Variants in SIRT5 observed in about 807,000 individuals in gnomAD.
The protein encoded by SIRT5 is sirtuin 5.
A neutral mutation model predicts 40.0 loss-of-function variants in SIRT5; 26 were observed. The observed-to-expected ratio is 0.65, with a 90% CI of 0.48 to 0.90. The LOEUF (loss-of-function observed/expected upper bound fraction) is 0.90, where lower values mean the gene tolerates loss of function less well. Ranked by LOEUF, SIRT5 falls within the 40% of genes least tolerant of loss-of-function variation. The pLI is 0.00. For missense variants in SIRT5, 401 were observed against 402.4 expected, an observed-to-expected ratio of 1.00 and a Z score of 0.03; for synonymous variants, 146 against 149.1, an observed-to-expected ratio of 0.98 and a Z score of 0.15.
chr6:13,591,646 C>T (rs560188394), intron 4 of SIRT5, 23 bp from the exon 5 acceptor site: 2 of 1,504,894 alleles, frequency 1.3e-6, no homozygotes, highest in Non-Finnish European at 1.8e-6. Context: ...CTCCCTCACT[C>T]CTGCCTCCTC....
chr6:13,596,899 T>C (rs1761634985), intron 6 of SIRT5, 64 bp from the exon 7 acceptor site: 17 of 1,312,626 alleles, frequency 1.3e-5, no homozygotes, highest in Middle Eastern at 1.9e-4. Context: ...AACTGAGTTA[T>C]GTTGTTTCTT....
At chr6:13,602,999 C>T (rs534879818) in intron 9 of SIRT5, among the ~76,000 whole-genome samples, 4 of 152,174 alleles carry the variant, frequency 2.6e-5, no homozygotes, top group Admixed American at 6.5e-5. Context: ...ACCCACAGGC[C>T]GGGTGCGGTG....
chr6:13,595,753 G>T (rs1761490600), intron 6 of SIRT5, among the ~76,000 whole-genome samples, 189 bp downstream of exon 6: 1 of 152,118 alleles, frequency 6.6e-6, no homozygotes, highest in Admixed American at 6.5e-5. Flanking sequence ...TGGGGAGACT[G>T]CTTGAGTTCA....
Position 13,600,004 on chromosome 6 carries a change from A to T in SIRT5, c.742-830A>T, listed in dbSNP as rs189559573. On this transcript the variant is annotated intron_variant, in intron 8 of 9. Transcript: ENST00000606117. ...GTATGGTGTTATATATGGATAAGGA[A>T]TGATATATTTAGCTAATTCTCTACT... Among the ~76,000 whole-genome samples the T allele has an allele frequency of 2.6e-5, 4 of 152,368 alleles. No individual in the cohort carries two copies. In the East Asian group the frequency reaches 7.7e-4, roughly 29 times the overall value.
At chr6:13,581,142 A>G (rs1759297373) in intron 2 of SIRT5, among the ~76,000 whole-genome samples, 2 of 152,204 alleles carry the variant, frequency 1.3e-5, no homozygotes, top group African/African-American at 4.8e-5. Flanking sequence ...AGACATTTAC[A>G]TATACAGTAC....
chr6:13,593,101 A>T (rs917585471), intron 5 of SIRT5, among the ~76,000 whole-genome samples: 1 of 151,760 alleles, frequency 6.6e-6, no homozygotes, highest in Non-Finnish European at 1.5e-5. Context: ...TTTTGTGGAG[A>T]GTGTCTCACC....
In SIRT5 at chr6:13,613,555, G is replaced by A. The variant is rs1764112815; in HGVS notation, c.*1690G>A. The stretch of plus-strand genomic sequence containing the variant: ...TGGCTTTTGTAGAAACAGGCAACAA[G>A]ACACTATCATATAAAACTTTGTACT... On this transcript the variant is annotated 3_prime_UTR_variant, in exon 10 of 10. Coordinates refer to ENST00000606117, the MANE Select transcript of SIRT5 (RefSeq NM_012241.5). 1 of 152,222 alleles carries A rather than the reference G, an allele frequency of 6.6e-6. No individual in the cohort carries two copies. Among genetic ancestry groups the A allele is most frequent in the South Asian group, 2.1e-4 (1 of 4,836 alleles). 9.4% of individuals were successfully genotyped at this position (152,222 alleles called of 1,614,324 possible).
At chr6:13,604,512 G>T (rs773787156) in intron 9 of SIRT5, 1 of 1,577,216 alleles carries the variant, frequency 6.3e-7, no homozygotes, top group Admixed American at 1.8e-5. Context: ...TTATTATAAA[G>T]AATTAAAACA....
At chr6:13,595,444 A>G (rs1761442882) in intron 5 of SIRT5, 33 bp from the exon 6 acceptor site, 2 of 1,517,058 alleles carry the variant, frequency 1.3e-6, no homozygotes, top group African/African-American at 1.4e-5. Context: ...TGATTATACT[A>G]AATTCTGGAT....
chr6:13,606,374 A>C (rs1434079742), intron 9 of SIRT5, among the ~76,000 whole-genome samples: 1 of 152,096 alleles, frequency 6.6e-6, no homozygotes, highest in African/African-American at 2.4e-5. Context: ...GGAGTTTAGA[A>C]GTCTAAGGAA....
intron 3 of SIRT5, among the ~76,000 whole-genome samples, chr6:13,585,702 T>C (rs1189098309): frequency 6.6e-6 from 1 of 152,210 alleles, no homozygotes; most frequent in Non-Finnish European, 1.5e-5. Context: ...GCAATAAACA[T>C]ACGTATGCAT....
intron 6 of SIRT5, 85 bp downstream of exon 6, chr6:13,595,649 A>G: frequency 1.9e-6 from 2 of 1,039,058 alleles, no homozygotes. Flanking sequence ...ACATTCATCA[A>G]AGATTCCCAT....
intron 9 of SIRT5, among the ~76,000 whole-genome samples, chr6:13,601,791 G>A (rs919202909): frequency 8.6e-5 from 13 of 151,402 alleles, no homozygotes; most frequent in Non-Finnish European, 1.8e-4. Flanking sequence ...GGTGATTCCT[G>A]TGTGCAGCCA....
intron 1 of SIRT5, among the ~76,000 whole-genome samples, chr6:13,579,218 T>C (rs1264528250): frequency 6.6e-6 from 1 of 152,224 alleles, no homozygotes; most frequent in Non-Finnish European, 1.5e-5. Flanking sequence ...AAAAGACTAT[T>C]TAGTAGCAAA....
At chr6:13,594,868 T>G (rs940213381) in intron 5 of SIRT5, among the ~76,000 whole-genome samples, 3 of 152,254 alleles carry the variant, frequency 2.0e-5, no homozygotes, top group African/African-American at 7.2e-5. Context: ...AATTACTTTT[T>G]TCACTTATTA....
Position 13,591,684 on chromosome 6 carries a change from C to G in SIRT5, c.265C>G (p.Leu89Val), listed in dbSNP as rs1430456660. 1.9e-6 allele frequency: 3 copies of G among 1,587,234 alleles called. No homozygotes were observed. The highest frequency in any genetic ancestry group is 2.6e-6 in the Non-Finnish European group (3 of 1,162,906). The change falls in exon 5 of 10, where the codon CTG becomes GTG. Residue 89 changes from leucine (L) to valine (V), a missense_variant. Physicochemically the swap from Leu to Val is conservative, Grantham distance 32. Transcript: ENST00000606117. Reference protein sequence around the residue: ...KWQAQDLATPLAFAHNPSRVW... With the variant: ...KWQAQDLATPVAFAHNPSRVW... The stretch of plus-strand genomic sequence containing the variant: ...CCACTCCCAGGACCTGGCGACTCCC[C>G]TGGCCTTTGCCCACAACCCGTCCCG...
intron 5 of SIRT5, among the ~76,000 whole-genome samples, chr6:13,594,411 G>A (rs1562272189): frequency 6.6e-6 from 1 of 152,180 alleles, no homozygotes; most frequent in African/African-American, 2.4e-5. Flanking sequence ...CCCGGCCCCT[G>A]TCCCCCTCCT....
chr6:13,586,706 AG>A lies in SIRT5; in HGVS notation c.116-1624del, dbSNP rs1392106799. On this transcript the variant is annotated intron_variant, in intron 3 of 9. Transcript: ENST00000606117. ...TTACCAGGAGTCCATGGTAGGGAAG[AG>A]AGGAAGGGAAGGGGAGGAGGGGTTG... is the stretch of plus-strand genomic sequence containing the variant. Among the ~76,000 whole-genome samples the A allele has an allele frequency of 2.6e-5, 4 of 152,270 alleles. No homozygotes were observed. In the South Asian group the frequency reaches 8.3e-4, roughly 32 times the overall value.
At chr6:13,576,936 C>T (rs1379731203) in intron 1 of SIRT5, among the ~76,000 whole-genome samples, 2 of 152,068 alleles carry the variant, frequency 1.3e-5, no homozygotes, top group East Asian at 1.9e-4. Context: ...TTCTTAGCAC[C>T]TTTGTCAAAA....
Sources: allele counts gnomAD v4.1 joint callset (sites outside exome capture counted in the v4.1 genomes callset), GRCh38; gene constraint gnomAD v4.1.1; transcripts MANE v1.5; gene names NCBI Gene and HGNC (gene_info 2026-07-23, HGNC 2026-07-21).